Variants in RAB38 observed in about 807,000 individuals in gnomAD.
RAB38 encodes ras-related protein Rab-38.
RAB38 carries 15 observed loss-of-function variants against 18.4 expected under a neutral mutation model. The observed-to-expected ratio is 0.82, with a 90% CI of 0.55 to 1.26. The LOEUF (loss-of-function observed/expected upper bound fraction) is 1.26, where lower values mean the gene tolerates loss of function less well. Among genes scored for constraint, RAB38 ranks in the 50% most tolerant of loss-of-function variants. RAB38 has a pLI of 0.00. For missense variants in RAB38, 294 were observed against 267.4 expected, an observed-to-expected ratio of 1.10 and a Z score of -0.69; for synonymous variants, 101 against 104.4, an observed-to-expected ratio of 0.97 and a Z score of 0.20.
At chr11:88,133,453 T>G (rs1942790801) in intron 2 of RAB38, among the ~76,000 whole-genome samples, 1 of 152,172 alleles carries the variant, frequency 6.6e-6, no homozygotes, top group African/African-American at 2.4e-5. Flanking sequence ...GACCTGAAAT[T>G]TAGGCTTGCT....
chr11:88,032,277 C>G, the RAB38 span, among the ~76,000 whole-genome samples: 3 of 152,158 alleles, frequency 2.0e-5, no homozygotes, highest in Non-Finnish European at 1.5e-5. Context: ...CATAACAACC[C>G]TAGAAGAAAA....
the RAB38 span, among the ~76,000 whole-genome samples, chr11:87,855,028 G>A: frequency 1.8e-4 from 28 of 151,928 alleles, no homozygotes; most frequent in African/African-American, 3.6e-4. Context: ...ATCTCCTGAC[G>A]TCGTGATCCA....
chr11:88,060,703 A>G, the RAB38 span, among the ~76,000 whole-genome samples: 1 of 152,154 alleles, frequency 6.6e-6, no homozygotes, highest in Admixed American at 6.5e-5. Context: ...ATTTAAGGAT[A>G]TTTAGCAGCA....
At chr11:88,111,244 T>A (rs1942469344), downstream of RAB38, among the ~76,000 whole-genome samples, 1 of 152,166 alleles carries the variant, frequency 6.6e-6, no homozygotes, top group Admixed American at 6.5e-5. Flanking sequence ...CCCTTTCAGA[T>A]ATCACCAGTG....
At chr11:88,070,754 A>T in the RAB38 span, among the ~76,000 whole-genome samples, 1 of 152,314 alleles carries the variant, frequency 6.6e-6, no homozygotes, top group East Asian at 1.9e-4. Flanking sequence ...CACCCAAACT[A>T]CAAGGCAACA....
downstream of RAB38, among the ~76,000 whole-genome samples, chr11:88,112,894 GCAC>G (rs1175375010): frequency 6.6e-6 from 1 of 151,986 alleles, no homozygotes; most frequent in Non-Finnish European, 1.5e-5. Flanking sequence ...GCACGTGTCA[GCAC>G]CACAACCACT....
the RAB38 span, among the ~76,000 whole-genome samples, chr11:88,063,141 AC>A: frequency 6.6e-6 from 1 of 152,214 alleles, no homozygotes; most frequent in Non-Finnish European, 1.5e-5. Flanking sequence ...TAGCAAGAAA[AC>A]AAAACAATAA....
the RAB38 span, among the ~76,000 whole-genome samples, chr11:87,872,560 A>C: frequency 6.6e-6 from 1 of 151,504 alleles, no homozygotes; most frequent in East Asian, 2.0e-4. Flanking sequence ...GTATCAGAAA[A>C]GTTTCACTGC....
chr11:87,976,927 C>T, the RAB38 span, among the ~76,000 whole-genome samples: 16 of 28 alleles, frequency 0.57, 8 homozygotes, highest in African/African-American at 1. Flanking sequence ...ATTATAATTA[C>T]ATTATACAAG....
In RAB38 at chr11:88,133,458, C is replaced by A. The variant is rs201017706; in HGVS notation, c.483+16217G>T. Among the ~76,000 whole-genome samples, 13 of 152,208 alleles carry A rather than the reference C, an allele frequency of 8.5e-5. No homozygotes were observed. The East Asian group carries it at 2.1e-3, about 25-fold the overall frequency. ...CCCTTTTGTAGACCTGAAATTTAGG[C>A]TTGCTACTATGCTCTTTAAGTTAGA... On this transcript the variant is annotated intron_variant, in intron 2 of 2. Transcript: ENST00000243662.
the RAB38 span, among the ~76,000 whole-genome samples, chr11:87,972,932 C>A: frequency 6.6e-6 from 1 of 151,840 alleles, no homozygotes; most frequent in African/African-American, 2.4e-5. Context: ...TGAATGAATT[C>A]TTATGAGATC....
the RAB38 span, among the ~76,000 whole-genome samples, chr11:87,884,178 A>G: frequency 6.6e-6 from 1 of 151,972 alleles, no homozygotes; most frequent in African/African-American, 2.4e-5. Flanking sequence ...TCACCTATAA[A>G]TAAAATGGTA....
chr11:88,108,517 A>G (rs1010683100), downstream of RAB38, among the ~76,000 whole-genome samples: 3 of 151,688 alleles, frequency 2.0e-5, no homozygotes, highest in African/African-American at 7.3e-5. Flanking sequence ...CCATCCCTTT[A>G]TTTTGAGCCT....
At chr11:87,826,458 T>C in the RAB38 span, among the ~76,000 whole-genome samples, 42 of 152,118 alleles carry the variant, frequency 2.8e-4, 1 homozygote, top group Admixed American at 2.8e-3. Context: ...GATTTTACTG[T>C]GACATTGCTT....
the RAB38 span, among the ~76,000 whole-genome samples, chr11:87,923,068 TAAC>T: frequency 4.6e-5 from 7 of 152,114 alleles, no homozygotes; most frequent in African/African-American, 1.4e-4. Context: ...GACCTGTATA[TAAC>T]AACAACTGAT....
At chr11:87,947,258 G>C in the RAB38 span, among the ~76,000 whole-genome samples, 7 of 151,440 alleles carry the variant, frequency 4.6e-5, no homozygotes, top group Admixed American at 4.6e-4. Flanking sequence ...TTGTAAATTT[G>C]TTTGAGTTCA....
chr11:88,169,586 G>A (rs1943284320), intron 1 of RAB38, among the ~76,000 whole-genome samples: 1 of 152,126 alleles, frequency 6.6e-6, no homozygotes, highest in Admixed American at 6.5e-5. Flanking sequence ...CCCTGGGAAT[G>A]CATGAGATCC....
chr11:87,922,845 C>T, the RAB38 span, among the ~76,000 whole-genome samples: 14 of 141,692 alleles, frequency 9.9e-5, no homozygotes, highest in African/African-American at 2.9e-4. Context: ...GAAAAGACAG[C>T]GGAAACAGAG....
At chr11:88,170,974 A>C (rs973272075) in intron 1 of RAB38, among the ~76,000 whole-genome samples, 4 of 152,200 alleles carry the variant, frequency 2.6e-5, no homozygotes, top group African/African-American at 9.7e-5. Context: ...TTATGATCTC[A>C]GGCAACTCTC....
Sources: gnomAD v4.1 joint callset for allele counts (sites outside exome capture counted in the v4.1 genomes callset) on GRCh38, gnomAD v4.1.1 for gene constraint, MANE v1.5 for transcripts, NCBI Gene and HGNC (gene_info 2026-07-23, HGNC 2026-07-21) for gene names.